Variants in MGST1 observed in about 807,000 individuals in gnomAD.
MGST1 encodes the protein microsomal glutathione S-transferase 1, also known as glutathione S-transferase 12.
Under a neutral mutation model 8.9 loss-of-function variants are expected in MGST1, and 5 were observed. The ratio of observed to expected loss-of-function variants is 0.56; its 90% CI spans 0.29 to 1.19. The LOEUF (loss-of-function observed/expected upper bound fraction) is 1.19, where lower values mean the gene tolerates loss of function less well. Ranked by LOEUF, MGST1 falls within the 50% of genes most tolerant of loss-of-function variation. The probability of loss-of-function intolerance (pLI) is 0.08; values close to 1 mark genes in which losing one functional copy is unlikely to be tolerated. For missense variants in MGST1, 182 were observed against 187.4 expected, an observed-to-expected ratio of 0.97 and a Z score of 0.17; for synonymous variants, 54 against 67.8, an observed-to-expected ratio of 0.80 and a Z score of 1.00.
downstream of MGST1, among the ~76,000 whole-genome samples, chr12:16,382,122 CCTT>C (rs563016408): frequency 6.6e-6 from 1 of 152,136 alleles, no homozygotes. Flanking sequence ...TCATCTGAAG[CCTT>C]CTTCTCTCAA....
At chr12:16,432,727 C>G (rs61915279) in intron 1 of MGST1, among the ~76,000 whole-genome samples, 56,240 of 127,770 alleles carry the variant, frequency 0.44, 12,212 homozygotes, top group East Asian at 0.78. Flanking sequence ...CACACACACA[C>G]ACACAGAGAG....
chr12:16,428,458 T>C (rs367856204), intron 1 of MGST1, among the ~76,000 whole-genome samples: 2 of 151,904 alleles, frequency 1.3e-5, no homozygotes, highest in South Asian at 2.1e-4. Context: ...TCAAGCTGTA[T>C]TGAACATTTC....
At position 16,549,909 on chromosome 12, in the gene MGST1, GAC is replaced by G. The variant is rs769329410; in HGVS notation, n.483-39617_483-39616del. 34 of 152,124 alleles carry G rather than the reference GAC, an allele frequency of 2.2e-4. No individual in the cohort carries two copies. In the Middle Eastern group the frequency reaches 0.01, roughly 46 times the overall value. 9.4% of individuals were successfully genotyped at this position (152,124 alleles called of 1,614,324 possible). A position where few individuals can be genotyped will look rare whatever the true frequency, so the allele number is the denominator to read the frequency against. ...ACTATTTCACCTTAAAAAATGGAAAGACAAATTTCAGCCTAAGAATGATGTAT... is the reference window on the plus strand; with the variant it reads ...ACTATTTCACCTTAAAAAATGGAAAGAAATTTCAGCCTAAGAATGATGTAT... On this transcript the variant is annotated intron_variant and non_coding_transcript_variant, in intron 4 of 4. Coordinates refer to the MGST1 transcript ENST00000538857.
intron 1 of MGST1, among the ~76,000 whole-genome samples, chr12:16,421,466 A>G (rs1417707870): frequency 1.3e-5 from 2 of 152,208 alleles, no homozygotes; most frequent in African/African-American, 4.8e-5. Flanking sequence ...CTAATTCCCC[A>G]AATGGGATCA....
At chr12:16,534,499 A>C (rs1941742606) in intron 4 of MGST1, among the ~76,000 whole-genome samples, 1 of 152,302 alleles carries the variant, frequency 6.6e-6, no homozygotes, top group Middle Eastern at 3.4e-3. Context: ...GGCTGCATAT[A>C]GTAAGGGATG....
chr12:16,400,641 C>T (rs1940646995), intron 1 of MGST1: 1 of 1,482,048 alleles, frequency 6.7e-7, no homozygotes. Flanking sequence ...ATTTCTTTGA[C>T]AAAAGTCGCT....
intron 4 of MGST1, among the ~76,000 whole-genome samples, chr12:16,485,993 A>G (rs888551418): frequency 1.3e-5 from 2 of 152,194 alleles, no homozygotes; most frequent in East Asian, 1.9e-4. Context: ...ACCTTTGAAC[A>G]TGCCAAGCAC....
intron 4 of MGST1, among the ~76,000 whole-genome samples, chr12:16,493,903 A>G (rs1442169686): frequency 6.6e-6 from 1 of 152,190 alleles, no homozygotes; most frequent in Non-Finnish European, 1.5e-5. Context: ...TTTAATTTCA[A>G]TATCTATGTT....
intron 1 of MGST1, among the ~76,000 whole-genome samples, chr12:16,412,165 G>T (rs1344470954): frequency 6.6e-6 from 1 of 152,088 alleles, no homozygotes; most frequent in Non-Finnish European, 1.5e-5. Context: ...TCAAATTTAA[G>T]GTCACGCTTG....
chr12:16,591,010 C>T (rs1943479803), downstream of MGST1, among the ~76,000 whole-genome samples: 1 of 151,924 alleles, frequency 6.6e-6, no homozygotes, highest in South Asian at 2.1e-4. The surrounding 1 kb of genome is among the most constrained non-coding windows in gnomAD (Gnocchi z 4.1). Context: ...TCTATAATCC[C>T]AAATGAAATT....
chr12:16,501,295 A>G (rs1223479400), intron 4 of MGST1, among the ~76,000 whole-genome samples: 3 of 152,188 alleles, frequency 2.0e-5, no homozygotes, highest in African/African-American at 7.2e-5. Flanking sequence ...CACAAATTGT[A>G]TGCTACTTTG....
At chr12:16,393,700 C>T (rs1295023328) in intron 1 of MGST1, among the ~76,000 whole-genome samples, 1 of 152,172 alleles carries the variant, frequency 6.6e-6, no homozygotes, top group Non-Finnish European at 1.5e-5. Flanking sequence ...TGCACTAAGC[C>T]TGTTGCGCTC....
chr12:16,409,909 G>A (rs1449853873), intron 1 of MGST1, among the ~76,000 whole-genome samples: 1 of 152,064 alleles, frequency 6.6e-6, no homozygotes, highest in Non-Finnish European at 1.5e-5. Context: ...GAGGTATATT[G>A]AGCCACTCAG....
In MGST1 at chr12:16,458,404, C is replaced by T. The variant is rs750276539; in HGVS notation, n.482+74800C>T. Among the ~76,000 whole-genome samples, 1 of 151,968 alleles carries T rather than the reference C, an allele frequency of 6.6e-6. No individual in the cohort carries two copies. Among genetic ancestry groups the T allele is most frequent in the African/African-American group, 2.4e-5 (1 of 41,408 alleles). On this transcript the variant is annotated intron_variant and non_coding_transcript_variant, in intron 4 of 4. Coordinates refer to the MGST1 transcript ENST00000538857. This position sits in a 1 kb window ranked among gnomAD's most constrained non-coding sequence, Gnocchi z 4.0. ...GTTGTAATTGAGCATAGATGTTGGACCCAGAGTTCTCCAAACTAAATTGTA... is the reference window on the plus strand; with the variant it reads ...GTTGTAATTGAGCATAGATGTTGGATCCAGAGTTCTCCAAACTAAATTGTA...
chr12:16,400,843 C>A, intron 1 of MGST1: 1 of 1,203,472 alleles, frequency 8.3e-7, no homozygotes, highest in Middle Eastern at 1.9e-4. Flanking sequence ...TGTAGATCTT[C>A]ATTTCCCCAA....
At chr12:16,358,548 CCTT>C (rs1055847847) in intron 3 of MGST1, among the ~76,000 whole-genome samples, 2 of 150,650 alleles carry the variant, frequency 1.3e-5, no homozygotes, top group Non-Finnish European at 3.0e-5. Flanking sequence ...CTCACTGCAA[CCTT>C]CTTCTCCTGG....
At chr12:16,541,681 T>C (rs1208290823) in intron 4 of MGST1, among the ~76,000 whole-genome samples, 1 of 152,166 alleles carries the variant, frequency 6.6e-6, no homozygotes, top group African/African-American at 2.4e-5. Context: ...CTCTTTTTTT[T>C]CAAGGATTAT....
chr12:16,425,459 T>G (rs977085757), intron 1 of MGST1, among the ~76,000 whole-genome samples: 7 of 152,126 alleles, frequency 4.6e-5, no homozygotes, highest in East Asian at 1.9e-4. Flanking sequence ...AATTTTTGTA[T>G]TTTTAGTAGA....
intron 1 of MGST1, chr12:16,400,770 C>T: frequency 1.6e-6 from 2 of 1,268,222 alleles, no homozygotes; most frequent in Non-Finnish European, 2.3e-6. Flanking sequence ...TTGATTGTGG[C>T]AATGTGAAAA....
Sources: allele counts gnomAD v4.1 joint callset (sites outside exome capture counted in the v4.1 genomes callset), GRCh38; gene constraint gnomAD v4.1.1; non-coding constraint Gnocchi (gnomAD v3.1); transcripts MANE v1.5; gene names NCBI Gene and HGNC (gene_info 2026-07-23, HGNC 2026-07-21).